DGKI: variants seen among roughly 807,000 people sequenced by gnomAD.
DGKI encodes DAG kinase iota.
A neutral mutation model predicts 147.5 loss-of-function variants in DGKI; 55 were observed. The ratio of observed to expected loss-of-function variants is 0.37; its 90% CI spans 0.30 to 0.47. The LOEUF is 0.47. DGKI is among the 20% of genes least tolerant of loss of function. DGKI has a pLI of 1.00. For synonymous variants in DGKI, 469 were observed against 477.1 expected (o/e 0.98, Z 0.22); for missense variants, 1,007 against 1,323.8 (o/e 0.76, Z 3.71).
Position 137,444,792 on chromosome 7 carries a change from C to G in DGKI, c.2736-690G>C, listed in dbSNP as rs563884961. Among the ~76,000 whole-genome samples the G allele has an allele frequency of 7.9e-5, 12 of 152,312 alleles. No individual in the cohort carries two copies. The East Asian group carries it at 2.1e-3, about 27-fold the overall frequency. On this transcript the variant is annotated intron_variant, in intron 27 of 32. Transcript: ENST00000614521. ...CAACCCTAAAAGGCTTGCTTCCCCC[C>G]AGTTGACTACTAGTTGAAATACTTT...
chr7:137,627,996 A>G (rs1379206445), intron 6 of DGKI, among the ~76,000 whole-genome samples: 1 of 152,206 alleles, frequency 6.6e-6, no homozygotes, highest in African/African-American at 2.4e-5. Context: ...ATAACACTTT[A>G]CCTACTTATG....
intron 1 of DGKI, among the ~76,000 whole-genome samples, chr7:137,776,498 G>A (rs1046825361): frequency 3.3e-5 from 5 of 152,066 alleles, no homozygotes; most frequent in South Asian, 2.1e-4. Flanking sequence ...CTTACTTTAC[G>A]TGTGTGTGTT....
At chr7:137,567,712 GA>G (rs1368316851) in intron 19 of DGKI, among the ~76,000 whole-genome samples, 2 of 152,096 alleles carry the variant, frequency 1.3e-5, no homozygotes, top group Non-Finnish European at 2.9e-5. Flanking sequence ...GAGACAACTG[GA>G]AATTCAAACT....
At chr7:137,479,083 T>C (rs1271408546) in intron 23 of DGKI, among the ~76,000 whole-genome samples, 1 of 152,134 alleles carries the variant, frequency 6.6e-6, no homozygotes, top group Admixed American at 6.5e-5. Flanking sequence ...AATTGCATGA[T>C]CAAATCAATG....
At chr7:137,706,016 T>C (rs529636559) in intron 1 of DGKI, among the ~76,000 whole-genome samples, 2 of 152,282 alleles carry the variant, frequency 1.3e-5, no homozygotes, top group South Asian at 4.1e-4. Flanking sequence ...GCACCAAGCA[T>C]GCTAGTCTAT....
intron 23 of DGKI, among the ~76,000 whole-genome samples, chr7:137,480,757 T>G (rs1815343786): frequency 6.6e-6 from 1 of 152,200 alleles, no homozygotes; most frequent in Admixed American, 6.5e-5. Flanking sequence ...TGAATCTATT[T>G]TTGCAACTAC....
intron 21 of DGKI, among the ~76,000 whole-genome samples, chr7:137,518,149 A>G (rs1816845073): frequency 6.6e-6 from 1 of 152,106 alleles, no homozygotes; most frequent in African/African-American, 2.4e-5. Flanking sequence ...CACCACAAGC[A>G]TCATAGCTAC....
intron 25 of DGKI, among the ~76,000 whole-genome samples, chr7:137,466,548 T>C (rs1318556125): frequency 1.3e-5 from 2 of 152,150 alleles, no homozygotes; most frequent in South Asian, 2.1e-4. Flanking sequence ...AGTCTAGTTA[T>C]ACACCTGGGG....
chr7:137,489,536 TTAGAG>T (rs946932500), intron 21 of DGKI, among the ~76,000 whole-genome samples: 15 of 152,122 alleles, frequency 9.9e-5, no homozygotes, highest in Non-Finnish European at 1.9e-4. Context: ...AAAATAGTGA[TTAGAG>T]TAATCATCTT....
chr7:137,738,931 C>G (rs1795099128), intron 1 of DGKI, among the ~76,000 whole-genome samples: 1 of 152,120 alleles, frequency 6.6e-6, no homozygotes, highest in South Asian at 2.1e-4. Context: ...CCTCAGGTCT[C>G]GTTGATTTGT....
At chr7:137,775,535 G>A (rs1041354254) in intron 1 of DGKI, among the ~76,000 whole-genome samples, 1 of 152,168 alleles carries the variant, frequency 6.6e-6, no homozygotes, top group African/African-American at 2.4e-5. Context: ...ATATTTTCAG[G>A]TGATAATATG....
intron 1 of DGKI, among the ~76,000 whole-genome samples, chr7:137,771,293 G>C (rs976169913): frequency 3.3e-5 from 5 of 152,096 alleles, no homozygotes; most frequent in African/African-American, 1.2e-4. Context: ...GTTTCGCCAT[G>C]TTGGCCAGGC....
At chr7:137,505,998 C>T (rs1366619370) in intron 21 of DGKI, among the ~76,000 whole-genome samples, 1 of 152,122 alleles carries the variant, frequency 6.6e-6, no homozygotes, top group Non-Finnish European at 1.5e-5. Flanking sequence ...AACATTCATT[C>T]ATTGCTGGTG....
At chr7:137,536,925 C>A (rs1266186791) in intron 20 of DGKI, among the ~76,000 whole-genome samples, 4 of 151,150 alleles carry the variant, frequency 2.6e-5, no homozygotes, top group Non-Finnish European at 3.0e-5. Flanking sequence ...AAAAAAAAAA[C>A]AACATTAACC....
chr7:137,832,273 C>T (rs1438828367), intron 1 of DGKI, among the ~76,000 whole-genome samples: 2 of 152,232 alleles, frequency 1.3e-5, no homozygotes, highest in African/African-American at 2.4e-5. Flanking sequence ...CCTCACATTT[C>T]CCTTCTGCAC....
At chr7:137,790,143 C>T (rs984054312) in intron 1 of DGKI, among the ~76,000 whole-genome samples, 1 of 151,998 alleles carries the variant, frequency 6.6e-6, no homozygotes, top group Non-Finnish European at 1.5e-5. Flanking sequence ...ACTTTATTTA[C>T]AAAAACAGCC....
At chr7:137,572,110 T>C (rs1024851516) in intron 18 of DGKI, among the ~76,000 whole-genome samples, 2 of 152,226 alleles carry the variant, frequency 1.3e-5, no homozygotes. Flanking sequence ...ATACAATGTA[T>C]TTGCAGATTT....
chr7:137,761,621 G>T (rs1341723140), intron 1 of DGKI, among the ~76,000 whole-genome samples: 1 of 151,950 alleles, frequency 6.6e-6, no homozygotes, highest in Non-Finnish European at 1.5e-5. Context: ...TTCCCCCTTG[G>T]GCTCCCATTT....
intron 1 of DGKI, among the ~76,000 whole-genome samples, chr7:137,739,944 G>T (rs1461422819): frequency 6.6e-6 from 1 of 152,132 alleles, no homozygotes; most frequent in African/African-American, 2.4e-5. Context: ...CACTGGTGTT[G>T]CCCAGTGATT....
Sources: gnomAD v4.1 joint callset for allele counts (sites outside exome capture counted in the v4.1 genomes callset) on GRCh38, gnomAD v4.1.1 for gene constraint, MANE v1.5 for transcripts, NCBI Gene and HGNC (gene_info 2026-07-23, HGNC 2026-07-21) for gene names.